The following ZNF783 variants were observed in gnomAD, a reference collection of about 807,000 sequenced individuals.
ZNF783 encodes protein ZNF783.
In ZNF783, 25 loss-of-function variants were observed where a neutral mutation model predicts 31.3. The ratio of observed to expected loss-of-function variants is 0.80; its 90% CI spans 0.58 to 1.11. The LOEUF (loss-of-function observed/expected upper bound fraction) is 1.11, where lower values mean the gene tolerates loss of function less well. Among genes scored for constraint, ZNF783 ranks in the 50% most tolerant of loss-of-function variants. ZNF783 has a pLI of 0.00. For missense variants in ZNF783, 797 were observed against 760.0 expected (o/e 1.05, Z -0.57); for synonymous variants, 369 against 319.1 (o/e 1.16, Z -1.66).
rs919381653 is a variant in ZNF783 at position 149,281,699 on chromosome 7, G to T, written c.997G>T (p.Ala333Ser). The T allele has an allele frequency of 5.4e-6, 8 of 1,493,052 alleles. No individual in the cohort carries two copies. The African/African-American group carries it at 7.1e-5, about 13-fold the overall frequency. The allele number at this position is 1,493,052 out of a possible 1,614,324, so 92.5% of individuals were successfully genotyped here. Residue 333 changes from alanine (A) to serine (S), a missense_variant, in exon 6 of 6, where the codon GCC becomes TCC. By Grantham distance (99) the Ala-to-Ser change is moderately conservative. Transcript: ENST00000434415. ...VRAGEPRPPG[A>S]SGETPRVLSR... ...GGCAGGGGAGCCACGGCCACCGGGG[G>T]CCAGTGGGGAGACGCCCCGAGTCCT...
Position 149,266,702 on chromosome 7 carries a change from C to A in ZNF783, c.392C>A (p.Pro131His). The A allele has an allele frequency of 6.2e-7, 1 of 1,614,004 alleles. No individual in the cohort carries two copies. Among genetic ancestry groups the A allele is most frequent in the South Asian group, 1.1e-5 (1 of 91,066 alleles). ...AGGAACTTCTGGATCTTGCGGCTGC[C>A]CCCGGGCAGCAAGGGGGAGGCCCCC... ...RNRNFWILRL[P>H]PGSKGEAPKV... Residue 131 changes from proline to histidine, a missense_variant, in exon 2 of 6, where the codon CCC (proline) becomes CAC (histidine). By Grantham distance (77) the Pro-to-His change is moderately conservative. Transcript: ENST00000434415.
rs545394190 is a variant in ZNF783 at position 149,281,854 on chromosome 7, C to T, written c.1152C>T (p.Pro384=). The T allele has an allele frequency of 2.0e-6, 3 of 1,497,874 alleles. No individual in the cohort carries two copies. The highest frequency in any genetic ancestry group is 1.3e-5 in the South Asian group (1 of 74,210). 92.8% of individuals were successfully genotyped at this position (1,497,874 alleles called of 1,614,324 possible). A position where few individuals can be genotyped will look rare whatever the true frequency, so the allele number is the denominator to read the frequency against. ...GGCAGGAGGCCCCCGGCCGCTCGCC[C>T]ACCAGCTGCGGGGACAGCCAGGCCA... ...EGRQEAPGRS[P]TSCGDSQAML... is the part of the protein sequence containing the mutation. The change falls in exon 6 of 6, where the codon CCC becomes CCT. Residue 384 remains proline (P), a synonymous_variant. Transcript: ENST00000434415.
At chr7:149,268,196 C>A (rs902290182) in intron 4 of ZNF783, among the ~76,000 whole-genome samples, 7 of 152,224 alleles carry the variant, frequency 4.6e-5, no homozygotes, top group Non-Finnish European at 1.0e-4. Flanking sequence ...TTTTCCTGAA[C>A]AATGACCACA....
chr7:149,278,506 G>T lies in ZNF783; in HGVS notation c.781G>T (p.Ala261Ser). The change falls in exon 5 of 6, where the codon GCC (alanine) becomes TCC (serine). Residue 261 changes from alanine (A) to serine (S), a missense_variant. Physicochemically the swap from Ala to Ser is moderately conservative, Grantham distance 99. Coordinates refer to ENST00000434415, the MANE Select transcript of ZNF783 (RefSeq NM_001195220.2). ...GCAGCAGGACTCAGAGGCGAGAGTG[G>T]CCCCAGCCGGGCCAGAAGCAGGTGA... ...KQQQDSEARV[A>S]PAGPEAGGGV... The T allele has an allele frequency of 1.9e-6, 3 of 1,599,294 alleles. No homozygotes were observed. Among genetic ancestry groups the T allele is most frequent in the Non-Finnish European group, 2.5e-6 (3 of 1,179,742 alleles).
rs1004535330 is a variant in ZNF783, at chr7:149,267,303, A to C, written c.673+81A>C. 4 of 1,501,290 alleles carry C rather than the reference A, an allele frequency of 2.7e-6. No individual in the cohort carries two copies. The African/African-American group carries it at 5.6e-5, about 21-fold the overall frequency. The allele number at this position is 1,501,290 out of a possible 1,614,324, so 93.0% of individuals were successfully genotyped here. A position where few individuals can be genotyped will look rare whatever the true frequency, so the allele number is the denominator to read the frequency against. ...GCCTACCCTCTCGGGCTTCCCAGAC[A>C]ATCAGGGAGGGCAGGAAGGGAGCAT... On this transcript the variant is annotated intron_variant, in intron 4 of 5. Coordinates refer to ENST00000434415, the MANE Select transcript of ZNF783 (RefSeq NM_001195220.2).
intron 5 of ZNF783, 51 bp from the exon 6 acceptor site, chr7:149,281,454 G>A (rs766038856): frequency 2.1e-6 from 3 of 1,404,544 alleles, no homozygotes; most frequent in Non-Finnish European, 2.8e-6. Flanking sequence ...AGTGACCTGG[G>A]GGACAGGGTG....
chr7:149,267,666 A>G (rs925080254), intron 4 of ZNF783, among the ~76,000 whole-genome samples: 38 of 152,128 alleles, frequency 2.5e-4, no homozygotes, highest in African/African-American at 6.7e-4. Flanking sequence ...GCGTGGTGGC[A>G]GGCGCCTGTA....
In ZNF783 at chr7:149,281,932, C is replaced by G. The variant is rs1026574793; in HGVS notation, c.1230C>G (p.Pro410=). The change falls in exon 6 of 6, where the codon CCC becomes CCG. Residue 410 remains proline (P), a synonymous_variant. Transcript: ENST00000434415. The part of the protein sequence containing the change: ...VVPGPVIRWL[P]EEPEGRRSVA... ...CCGGCCCTGTCATCCGCTGGCTCCC[C>G]GAGGAGCCTGAGGGTCGCCGCTCCG... The G allele has an allele frequency of 6.5e-7, 1 of 1,542,252 alleles. No individual in the cohort carries two copies.
intron 4 of ZNF783, among the ~76,000 whole-genome samples, chr7:149,273,703 C>G (rs1440162774): frequency 2.6e-5 from 4 of 152,014 alleles, no homozygotes; most frequent in African/African-American, 9.7e-5. Context: ...GTCACCACAC[C>G]CAGCTAATTT....
Position 149,282,073 on chromosome 7 carries a change from G to A in ZNF783, c.1371G>A (p.Leu457=). Residue 457 remains leucine (L), a synonymous_variant, in exon 6 of 6, where the codon CTG becomes CTA. Transcript: ENST00000434415. ...AGAGCCTGCTGCTGCACCAGCGCCT[G>A]CACACCGGCAATGGCCAGGGCTGGC... ...QRKSLLLHQR[L]HTGNGQGWPA... The A allele has an allele frequency of 1.3e-6, 2 of 1,595,898 alleles. No individual in the cohort carries two copies. The highest frequency in any genetic ancestry group is 1.7e-6 in the Non-Finnish European group (2 of 1,178,628).
chr7:149,268,483 A>T (rs945075637), intron 4 of ZNF783, among the ~76,000 whole-genome samples: 4 of 152,230 alleles, frequency 2.6e-5, no homozygotes, highest in African/African-American at 9.6e-5. Context: ...GAGTACTTTT[A>T]AAAAAAATTT....
In ZNF783 at chr7:149,281,988, G is replaced by T. The variant is rs565407559; in HGVS notation, c.1286G>T (p.Arg429Leu). The change falls in exon 6 of 6, where the codon CGG becomes CTG. Residue 429 changes from arginine to leucine, a missense_variant. Transcript: ENST00000434415. ...VAGGRALVGR[R>L]PAASKMYHCS... is the part of the protein sequence containing the mutation. ...GGGGGCCGTGCCTTGGTGGGGCGGC[G>T]GCCTGCAGCCAGCAAGATGTACCAC... The T allele has an allele frequency of 1.9e-6, 3 of 1,576,700 alleles. No homozygotes were observed. The South Asian group carries it at 3.4e-5, about 18-fold the overall frequency.
chr7:149,274,327 TC>T (rs1797275197), intron 4 of ZNF783, among the ~76,000 whole-genome samples: 2 of 152,114 alleles, frequency 1.3e-5, no homozygotes, highest in South Asian at 4.1e-4. Flanking sequence ...GAAATAACCA[TC>T]CTTATTCCAA....
At chr7:149,280,267 T>C (rs1286460789) in intron 5 of ZNF783, among the ~76,000 whole-genome samples, 2 of 152,160 alleles carry the variant, frequency 1.3e-5, no homozygotes, top group Non-Finnish European at 2.9e-5. Context: ...CATTTTATCT[T>C]TGATTAAGCC....
chr7:149,263,265 CGTGTGTGTGTGTGTGTGTGTGT>C (rs56067256), intron 1 of ZNF783, among the ~76,000 whole-genome samples: 5 of 121,444 alleles, frequency 4.1e-5, no homozygotes, highest in African/African-American at 9.5e-5. Flanking sequence ...TATATATATA[CGTGTGTGTGTGTGTGTGTGTGT>C]GTGTGTGTGT....
rs1235420868 is a variant in ZNF783, at chr7:149,284,389, C to G, written c.*2046C>G. 1 of 152,288 alleles carries G rather than the reference C, an allele frequency of 6.6e-6. No homozygotes were observed. Among genetic ancestry groups the G allele is most frequent in the African/African-American group, 2.4e-5 (1 of 41,446 alleles). The allele number at this position is 152,288 out of a possible 1,614,324, so 9.4% of individuals were successfully genotyped here. A position where few individuals can be genotyped will look rare whatever the true frequency, so the allele number is the denominator to read the frequency against. On this transcript the variant is annotated 3_prime_UTR_variant, in exon 6 of 6. Coordinates refer to ENST00000434415, the MANE Select transcript of ZNF783 (RefSeq NM_001195220.2). ...GTATACAAGTCAGTGACAGTTCAGC[C>G]AGGCTCCCTTGGGTTTGGGAAGAGG...
rs531830474 is a variant in ZNF783 at position 149,266,340 on chromosome 7, C to T, written c.30C>T (p.Pro10=). 4.1e-5 allele frequency: 64 copies of T among 1,570,394 alleles called. No homozygotes were observed. The East Asian group carries it at 9.7e-4, about 24-fold the overall frequency. The change falls in exon 2 of 6, where the codon CCC becomes CCT. Residue 10 remains proline, a synonymous_variant. Transcript: ENST00000434415. ...TTTTCTCTTCTTGTGAGCAGGACCC[C>T]GAGACAGACAAGCACACAGAGGACC... MAEAAPARD[P]ETDKHTEDQS... is the part of the protein sequence containing the mutation.
chr7:149,262,807 G>C (rs1796962254), intron 1 of ZNF783, among the ~76,000 whole-genome samples: 1 of 152,268 alleles, frequency 6.6e-6, no homozygotes, highest in Non-Finnish European at 1.5e-5. Context: ...GCCGGGGCAG[G>C]GATTTTGGAA....
At chr7:149,272,663 G>A in intron 4 of ZNF783, among the ~76,000 whole-genome samples, 1 of 151,964 alleles carries the variant, frequency 6.6e-6, no homozygotes, top group East Asian at 1.9e-4. Context: ...TTTGATACAG[G>A]CATACAATGT....
Sources: gnomAD v4.1 joint callset for allele counts (sites outside exome capture counted in the v4.1 genomes callset) on GRCh38, gnomAD v4.1.1 for gene constraint, MANE v1.5 for transcripts, NCBI Gene and HGNC (gene_info 2026-07-23, HGNC 2026-07-21) for gene names.